The following SLC43A2 variants were observed in gnomAD, a reference collection of about 807,000 sequenced individuals.
SLC43A2 encodes large neutral amino acids transporter small subunit 4.
SLC43A2 carries 38 observed loss-of-function variants against 63.2 expected under a neutral mutation model. The observed-to-expected ratio is 0.60, with a 90% CI of 0.46 to 0.79. The LOEUF (loss-of-function observed/expected upper bound fraction) is 0.79, where lower values mean the gene tolerates loss of function less well. Ranked by LOEUF, SLC43A2 falls within the 30% of genes least tolerant of loss-of-function variation. The pLI is 0.00. For synonymous variants in SLC43A2, 322 were observed against 331.0 expected (o/e 0.97, Z 0.30); for missense variants, 644 against 756.2 (o/e 0.85, Z 1.74).
At chr17:1,610,682 A>C (rs1267839781) in intron 5 of SLC43A2, among the ~76,000 whole-genome samples, 2 of 150,844 alleles carry the variant, frequency 1.3e-5, no homozygotes, top group East Asian at 4.0e-4. Flanking sequence ...GTTTGAGACC[A>C]GCCTGGTCAA....
rs911050146 is a variant in SLC43A2 at position 1,592,789 on chromosome 17, T to C, written c.594+398A>G. Among the ~76,000 whole-genome samples, 3 of 152,178 alleles carry C rather than the reference T, an allele frequency of 2.0e-5. 1 individual carries two copies. The South Asian group carries it at 6.2e-4, about 32-fold the overall frequency. The stretch of plus-strand genomic sequence containing the variant: ...CCTAGGAGGGAAACAGCTGAAACAC[T>C]TGGCCAAGAGCAGTGCTTTGGCTGG... On this transcript the variant is annotated intron_variant, in intron 6 of 13. Transcript: ENST00000301335.
At chr17:1,610,070 C>T (rs1028576533) in intron 5 of SLC43A2, among the ~76,000 whole-genome samples, 5 of 151,888 alleles carry the variant, frequency 3.3e-5, no homozygotes, top group East Asian at 1.9e-4. Context: ...CCACCATGCC[C>T]GAGTAATATT....
chr17:1,620,323 G>A (rs1027467191), intron 2 of SLC43A2, among the ~76,000 whole-genome samples: 2 of 152,136 alleles, frequency 1.3e-5, no homozygotes, highest in Non-Finnish European at 2.9e-5. Context: ...AGCCGAGATT[G>A]TGCCACTGCA....
chr17:1,599,692 C>G (rs1462781479), intron 5 of SLC43A2, among the ~76,000 whole-genome samples: 1 of 151,712 alleles, frequency 6.6e-6, no homozygotes, highest in Non-Finnish European at 1.5e-5. Flanking sequence ...CACAGTTAGA[C>G]TCCGTCTCAA....
chr17:1,592,697 G>C (rs973155966), intron 6 of SLC43A2, among the ~76,000 whole-genome samples: 3 of 152,194 alleles, frequency 2.0e-5, no homozygotes, highest in African/African-American at 7.2e-5. Context: ...GGGGAACTTG[G>C]GCTGATGGAC....
intron 9 of SLC43A2, chr17:1,586,865 G>A: frequency 2.8e-6 from 4 of 1,454,014 alleles, no homozygotes; most frequent in South Asian, 1.3e-5. Context: ...GGAGCTTGAG[G>A]TGAGGAGCTT....
rs1240740393 is a variant in SLC43A2 at position 1,604,928 on chromosome 17, AGCCGCGGT to A, written c.501+8259_501+8266del. On this transcript the variant is annotated intron_variant, in intron 5 of 13. Coordinates refer to ENST00000301335, the MANE Select transcript of SLC43A2 (RefSeq NM_152346.3). ...TCAGCTGCGCATAATGGCTGTTCGA[AGCCGCGGT>A]GCCGGAGTGAGGGCTGAGCGCTGAG... The A allele has an allele frequency of 3.0e-5, 46 of 1,524,192 alleles. No homozygotes were observed. In the Admixed American group the frequency reaches 6.1e-4, roughly 20 times the overall value. The allele number at this position is 1,524,192 out of a possible 1,614,324, so 94.4% of individuals were successfully genotyped here. A position where few individuals can be genotyped will look rare whatever the true frequency, so the allele number is the denominator to read the frequency against.
chr17:1,610,432 T>TAAA (rs765722123), intron 5 of SLC43A2, among the ~76,000 whole-genome samples: 1 of 130,750 alleles, frequency 7.6e-6, no homozygotes. Context: ...CCTGGCTAAT[T>TAAA]AAAAAAAAAA....
intron 6 of SLC43A2, 28 bp from the exon 7 acceptor site, chr17:1,591,727 G>GT (rs1555538843): frequency 8.3e-6 from 8 of 968,410 alleles, no homozygotes; most frequent in African/African-American, 1.9e-5. Context: ...GACGGGGTGG[G>GT]GGGGGGAGGG....
intron 11 of SLC43A2, among the ~76,000 whole-genome samples, chr17:1,581,355 G>C (rs2076011017): frequency 6.6e-6 from 1 of 152,240 alleles, no homozygotes; most frequent in Non-Finnish European, 1.5e-5. Context: ...AGGCGGTTAG[G>C]GCAAAGGTCT....
In SLC43A2 at chr17:1,578,444, C is replaced by T; in HGVS notation, c.1351-121G>A. 2 of 868,684 alleles carry T rather than the reference C, an allele frequency of 2.3e-6. No individual in the cohort carries two copies. The highest frequency in any genetic ancestry group is 3.5e-6 in the Non-Finnish European group (2 of 571,506). The allele number at this position is 868,684 out of a possible 1,614,324, so 53.8% of individuals were successfully genotyped here. On this transcript the variant is annotated intron_variant, in intron 11 of 13. Transcript: ENST00000301335. This position sits in a 1 kb window ranked among gnomAD's most constrained non-coding sequence, Gnocchi z 6.5. ...AGTGTCAGCCTGGAGTTGGATCAAC[C>T]CCATCCTCCGGAGCCAATTGTGAAT...
intron 4 of SLC43A2, among the ~76,000 whole-genome samples, chr17:1,614,038 T>C (rs981648957): frequency 5.3e-5 from 8 of 151,792 alleles, no homozygotes; most frequent in Non-Finnish European, 1.2e-4. Flanking sequence ...GGTCAGGAGA[T>C]CAAGACCATC....
chr17:1,586,928 TCC>T, intron 9 of SLC43A2: 3 of 1,232,822 alleles, frequency 2.4e-6, no homozygotes, highest in Non-Finnish European at 3.4e-6. Flanking sequence ...TCCCTGACAA[TCC>T]CCCCCACCCC....
intron 10 of SLC43A2, chr17:1,585,682 C>G (rs1202174452): frequency 8.2e-6 from 12 of 1,464,350 alleles, no homozygotes; most frequent in Non-Finnish European, 1.1e-5. Flanking sequence ...GTCACCGCAC[C>G]TGGCCTCAAA....
At chr17:1,613,719 A>G (rs925084409) in intron 4 of SLC43A2, among the ~76,000 whole-genome samples, 3 of 152,276 alleles carry the variant, frequency 2.0e-5, no homozygotes, top group African/African-American at 4.8e-5. Flanking sequence ...TTACAGGCAT[A>G]AGCCACCATG....
intron 2 of SLC43A2, among the ~76,000 whole-genome samples, chr17:1,619,622 C>A (rs1195888168): frequency 6.6e-6 from 1 of 152,216 alleles, no homozygotes; most frequent in Non-Finnish European, 1.5e-5. Context: ...CTGGGCCACT[C>A]GCCCATCCAC....
intron 1 of SLC43A2, 185 bp from the exon 2 acceptor site, chr17:1,628,105 G>C (rs1254303713): frequency 2.1e-6 from 1 of 473,262 alleles, no homozygotes; most frequent in South Asian, 1.0e-4. Flanking sequence ...GCCCGCGGCC[G>C]GCTCGTACCG....
chr17:1,596,763 C>A (rs1905316838), intron 5 of SLC43A2, among the ~76,000 whole-genome samples: 1 of 151,944 alleles, frequency 6.6e-6, no homozygotes, highest in Non-Finnish European at 1.5e-5. Context: ...TTGAAATAAC[C>A]AATTTTTTAA....
chr17:1,585,509 G>A, intron 10 of SLC43A2: 1 of 430,598 alleles, frequency 2.3e-6, no homozygotes, highest in Non-Finnish European at 4.0e-6. Context: ...ACCTTCCAAA[G>A]TGTTGGTATT....
Sources: gnomAD v4.1 joint callset for allele counts (sites outside exome capture counted in the v4.1 genomes callset) on GRCh38, gnomAD v4.1.1 for gene constraint, Gnocchi (gnomAD v3.1) non-coding constraint, MANE v1.5 for transcripts, NCBI Gene and HGNC (gene_info 2026-07-23, HGNC 2026-07-21) for gene names.